Variants in GLIPR1L1 observed in about 807,000 individuals in gnomAD.
GLIPR1L1 encodes the protein GLIPR1 like 1, also known as GLIPR1-like protein 1.
Under a neutral mutation model 29.9 loss-of-function variants are expected in GLIPR1L1, and 26 were observed. The observed-to-expected ratio is 0.87, with a 90% CI of 0.64 to 1.21. The LOEUF is 1.21. Among genes scored for constraint, GLIPR1L1 ranks in the 50% most tolerant of loss-of-function variants. The pLI is 0.00. For synonymous variants in GLIPR1L1, 77 were observed against 97.5 expected (o/e 0.79, Z 1.24); for missense variants, 305 against 290.3 (o/e 1.05, Z -0.37).
At chr12:75,360,227 C>G (rs900049336) in intron 3 of GLIPR1L1, 1 of 152,262 alleles carries the variant, frequency 6.6e-6, no homozygotes, top group Admixed American at 6.5e-5. Context: ...TCTGCCCCAG[C>G]CCATCCAAAT....
Position 75,337,255 on chromosome 12 carries a change from A to G in GLIPR1L1, c.174+2353A>G, listed in dbSNP as rs374337299. On this transcript the variant is annotated intron_variant, in intron 1 of 5. Transcript: ENST00000378695. ...TTTTAAAAAACTAAAGATGATCATA[A>G]TTTGATGAAATTGAAAGTAAAAGTA... Among the ~76,000 whole-genome samples, 10 of 151,932 alleles carry G rather than the reference A, an allele frequency of 6.6e-5. No individual in the cohort carries two copies. The South Asian group carries it at 1.7e-3, about 25-fold the overall frequency.
intron 1 of GLIPR1L1, among the ~76,000 whole-genome samples, chr12:75,335,335 AAAC>A (rs543512702): frequency 0.011 from 1,680 of 152,320 alleles, 11 homozygotes; most frequent in Non-Finnish European, 0.018. Flanking sequence ...TCCAAGATCA[AAAC>A]AACACTTCAT....
chr12:75,362,739 AACAT>A (rs1311811040), intron 3 of GLIPR1L1, among the ~76,000 whole-genome samples: 1 of 152,196 alleles, frequency 6.6e-6, no homozygotes, highest in Admixed American at 6.6e-5. Flanking sequence ...TTAAAATTAA[AACAT>A]AAAACACATG....
chr12:75,368,170 A>T (rs2044115396), intron 4 of GLIPR1L1, among the ~76,000 whole-genome samples: 1 of 152,030 alleles, frequency 6.6e-6, no homozygotes, highest in African/African-American at 2.4e-5. Flanking sequence ...ATACAATATT[A>T]CATTATTCTT....
intron 4 of GLIPR1L1, among the ~76,000 whole-genome samples, chr12:75,368,927 C>T (rs2139684956): frequency 6.6e-6 from 1 of 151,916 alleles, no homozygotes; most frequent in East Asian, 1.9e-4. Context: ...ATCCACATTT[C>T]AATGAAATTC....
chr12:75,336,165 T>C (rs760761979), intron 1 of GLIPR1L1, among the ~76,000 whole-genome samples: 1 of 151,908 alleles, frequency 6.6e-6, no homozygotes, highest in Non-Finnish European at 1.5e-5. Flanking sequence ...CGTGAGAAGT[T>C]AAGAATGCAT....
chr12:75,368,273 T>G (rs190847154), intron 4 of GLIPR1L1, among the ~76,000 whole-genome samples: 4 of 151,796 alleles, frequency 2.6e-5, no homozygotes, highest in African/African-American at 9.6e-5. Context: ...TTTGCATTTA[T>G]TTTTAGAATT....
chr12:75,354,114 T>C (rs1259163422), intron 3 of GLIPR1L1, among the ~76,000 whole-genome samples: 1 of 134,898 alleles, frequency 7.4e-6, no homozygotes, highest in Non-Finnish European at 1.5e-5. Context: ...ACCACTTCTA[T>C]TCAACATAGT....
rs1324216908 is a variant in GLIPR1L1, at chr12:75,347,706, T to G, written c.505T>G (p.Cys169Gly). The G allele has an allele frequency of 6.3e-7, 1 of 1,599,888 alleles. No individual in the cohort carries two copies. The highest frequency in any genetic ancestry group is 2.2e-5 in the East Asian group (1 of 44,520). ...LGGASTAIFVCNYGPAGNFAN... is the reference protein window; with the variant it reads ...LGGASTAIFVGNYGPAGNFAN... ...GGGAGCTTCAACTGCAATATTTGTA[T>G]GCAACTACGGACCTGCGTGAGTTAT... is the stretch of plus-strand genomic sequence containing the variant. Residue 169 changes from cysteine (C) to glycine (G), a missense_variant, in exon 3 of 6, where the codon TGC (cysteine) becomes GGC (glycine). Cys to Gly is a radical substitution (Grantham distance 159, BLOSUM62 -3). Transcript: ENST00000378695.
Position 75,334,846 on chromosome 12 carries a change from G to C in GLIPR1L1, c.118G>C (p.Ala40Pro). Reference protein sequence around the residue: ...DPHFIDNCIEAHNEWRGKVNP... With the variant: ...DPHFIDNCIEPHNEWRGKVNP... ...ACACTTTATAGACAACTGCATAGAA[G>C]CCCACAACGAATGGCGTGGCAAAGT... The change falls in exon 1 of 6, where the codon GCC becomes CCC. Residue 40 changes from alanine (A) to proline (P), a missense_variant. Coordinates refer to ENST00000378695, the MANE Select transcript of GLIPR1L1 (RefSeq NM_001304964.2). 1 of 1,614,058 alleles carries C rather than the reference G, an allele frequency of 6.2e-7. No individual in the cohort carries two copies. The highest frequency in any genetic ancestry group is 8.5e-7 in the Non-Finnish European group (1 of 1,180,018).
intron 1 of GLIPR1L1, among the ~76,000 whole-genome samples, chr12:75,342,898 AATTT>A (rs1272377094): frequency 6.6e-6 from 1 of 152,010 alleles, no homozygotes; most frequent in South Asian, 2.1e-4. Context: ...TCACTTATTA[AATTT>A]ATTTATACAT....
chr12:75,365,107 A>G (rs1476525351), intron 4 of GLIPR1L1: 3 of 152,110 alleles, frequency 2.0e-5, no homozygotes, highest in Admixed American at 1.3e-4. Context: ...CTCTTGCACA[A>G]TAGTCCCTGG....
intron 4 of GLIPR1L1, among the ~76,000 whole-genome samples, chr12:75,366,173 G>C (rs941911151): frequency 3.3e-5 from 5 of 152,098 alleles, no homozygotes; most frequent in African/African-American, 4.8e-5. Flanking sequence ...CTTTAAGCCA[G>C]TTTGGTACCT....
Position 75,357,871 on chromosome 12 carries a change from C to T in GLIPR1L1, c.522-5231C>T, listed in dbSNP as rs151136602. Among the ~76,000 whole-genome samples, 29 of 150,718 alleles carry T rather than the reference C, an allele frequency of 1.9e-4. No homozygotes were observed. The East Asian group carries it at 5.4e-3, about 28-fold the overall frequency. ...ACAGTAATTATGAGAAAATTTATGG[C>T]ACCAAAGGCCCACAATAGAAAAAAA... On this transcript the variant is annotated intron_variant, in intron 3 of 5. Coordinates refer to ENST00000378695, the MANE Select transcript of GLIPR1L1 (RefSeq NM_001304964.2).
chr12:75,346,574 A>G (rs1175807369), intron 2 of GLIPR1L1, among the ~76,000 whole-genome samples: 1 of 152,186 alleles, frequency 6.6e-6, no homozygotes, highest in Non-Finnish European at 1.5e-5. Context: ...TATTTTTAGT[A>G]GAAACGGGGT....
At chr12:75,358,079 T>TAAATA (rs1223583650) in intron 3 of GLIPR1L1, among the ~76,000 whole-genome samples, 2 of 151,386 alleles carry the variant, frequency 1.3e-5, no homozygotes, top group Non-Finnish European at 3.0e-5. Flanking sequence ...ATTTTATTAA[T>TAAATA]AAAATTTATC....
At chr12:75,343,663 A>G (rs2042260990) in intron 1 of GLIPR1L1, 30 bp from the exon 2 acceptor site, 1 of 1,523,760 alleles carries the variant, frequency 6.6e-7, no homozygotes, top group South Asian at 1.2e-5. Context: ...ACTTATGCAC[A>G]ATTCAATTTA....
At position 75,358,793 on chromosome 12, in the gene GLIPR1L1, TATATA is replaced by T. The variant is rs567475623; in HGVS notation, c.522-4303_522-4299del. 1.7e-3 allele frequency among the ~76,000 whole-genome samples: 250 copies of T among 144,182 alleles called. 4 individuals are homozygous for T. The East Asian group carries it at 0.024, about 14-fold the overall frequency. The allele number at this position is 144,182 out of a possible 152,430, so 94.6% of individuals were successfully genotyped here. A position where few individuals can be genotyped will look rare whatever the true frequency, so the allele number is the denominator to read the frequency against. On this transcript the variant is annotated intron_variant, in intron 3 of 5. Coordinates refer to ENST00000378695, the MANE Select transcript of GLIPR1L1 (RefSeq NM_001304964.2). ...TTTAAATATATATAATATATAACAA[TATATA>T]ATATATTATATATGTTTAAATATAT... is the stretch of plus-strand genomic sequence containing the variant.
At chr12:75,353,285 T>C (rs773200661) in intron 3 of GLIPR1L1, among the ~76,000 whole-genome samples, 1 of 151,922 alleles carries the variant, frequency 6.6e-6, no homozygotes, top group African/African-American at 2.4e-5. Context: ...AAGAATCAAA[T>C]AGACACAATA....
Sources: gnomAD v4.1 joint callset for allele counts (sites outside exome capture counted in the v4.1 genomes callset) on GRCh38, gnomAD v4.1.1 for gene constraint, MANE v1.5 for transcripts, NCBI Gene and HGNC (gene_info 2026-07-23, HGNC 2026-07-21) for gene names.